The following MAGI1 variants were observed in gnomAD, a reference collection of about 807,000 sequenced individuals.
MAGI1 encodes the protein membrane-associated guanylate kinase, WW and PDZ domain-containing protein 1.
MAGI1 carries 58 observed loss-of-function variants against 139.9 expected under a neutral mutation model. The ratio of observed to expected loss-of-function variants is 0.41; its 90% confidence interval spans 0.34 to 0.52. The LOEUF (loss-of-function observed/expected upper bound fraction) is 0.52. MAGI1 is among the 20% of genes least tolerant of loss of function. MAGI1 has a pLI of 0.12. For missense variants in MAGI1, 1,874 were observed against 1,901.6 expected (o/e 0.99, Z 0.27); for synonymous variants, 812 against 737.9 (o/e 1.10, Z -1.63).
chr3:65,959,258 C>G (rs1336827954), intron 1 of MAGI1, among the ~76,000 whole-genome samples: 1 of 152,192 alleles, frequency 6.6e-6, no homozygotes, highest in Non-Finnish European at 1.5e-5. Flanking sequence ...TCCTTCCTCT[C>G]TACTGCATCC....
intron 1 of MAGI1, among the ~76,000 whole-genome samples, chr3:65,888,283 T>C (rs1413347322): frequency 2.6e-5 from 4 of 152,148 alleles, no homozygotes; most frequent in Admixed American, 1.3e-4. Context: ...TCAATAACTT[T>C]ACAAAAGCAC....
chr3:65,891,364 T>C (rs1265572521), intron 1 of MAGI1, among the ~76,000 whole-genome samples: 1 of 152,086 alleles, frequency 6.6e-6, no homozygotes, highest in Non-Finnish European at 1.5e-5. Context: ...CTATTACAAA[T>C]CTGGTAATAT....
intron 1 of MAGI1, among the ~76,000 whole-genome samples, chr3:65,908,776 G>C (rs909667456): frequency 1.3e-5 from 2 of 152,120 alleles, no homozygotes; most frequent in African/African-American, 4.8e-5. Flanking sequence ...CTTTCTAACA[G>C]ACTCCTGGGG....
chr3:65,958,769 T>C (rs1272317865), intron 1 of MAGI1, among the ~76,000 whole-genome samples: 1 of 152,098 alleles, frequency 6.6e-6, no homozygotes, highest in Non-Finnish European at 1.5e-5. Flanking sequence ...GGAGGATCAC[T>C]TGAGGCCAAG....
intron 1 of MAGI1, among the ~76,000 whole-genome samples, chr3:65,932,359 T>G (rs769428260): frequency 6.6e-6 from 1 of 152,108 alleles, no homozygotes; most frequent in Admixed American, 6.5e-5. Context: ...GAAACTCAGT[T>G]TCACGAAACA....
chr3:65,564,270 A>G (rs78954855), intron 2 of MAGI1, among the ~76,000 whole-genome samples: 55 of 151,856 alleles, frequency 3.6e-4, no homozygotes, highest in Non-Finnish European at 6.9e-4. Context: ...AAAAAAAAAA[A>G]GGCAGAACAA....
At chr3:65,912,058 G>T (rs963754023) in intron 1 of MAGI1, among the ~76,000 whole-genome samples, 1 of 152,154 alleles carries the variant, frequency 6.6e-6, no homozygotes, top group African/African-American at 2.4e-5. Flanking sequence ...AACTTGAAAG[G>T]GAAAAGGCAG....
intron 2 of MAGI1, among the ~76,000 whole-genome samples, chr3:65,515,126 A>C (rs1243709070): frequency 3.3e-5 from 4 of 121,650 alleles, no homozygotes; most frequent in Non-Finnish European, 6.6e-5. Context: ...ACATGGACAC[A>C]GGAAGGGGAA....
intron 2 of MAGI1, among the ~76,000 whole-genome samples, chr3:65,569,145 C>A (rs185273604): frequency 1.7e-4 from 26 of 152,276 alleles, no homozygotes; most frequent in Admixed American, 7.8e-4. Flanking sequence ...TGGATGAACT[C>A]TGAAGACATT....
At chr3:65,511,125 G>C (rs1342152389) in intron 2 of MAGI1, among the ~76,000 whole-genome samples, 1 of 149,216 alleles carries the variant, frequency 6.7e-6, no homozygotes, top group Admixed American at 6.6e-5. Flanking sequence ...GTCACCACCA[G>C]GCCTGCCCTA....
rs138542180 is a variant in MAGI1, at chr3:65,568,176, T to C, written c.430+53796A>G. The stretch of plus-strand genomic sequence containing the variant: ...ACTCATCATTCATTCTTCACACATC[T>C]GGGTAAGGAGCAGGCAAGGCACTTG... On this transcript the variant is annotated intron_variant, in intron 2 of 22. Transcript: ENST00000402939. Among the ~76,000 whole-genome samples the C allele has an allele frequency of 1.1e-3, 160 of 152,252 alleles. 2 individuals are homozygous for C. The East Asian group carries it at 0.024, about 23-fold the overall frequency.
chr3:65,409,883 T>C (rs1351487355), intron 12 of MAGI1, among the ~76,000 whole-genome samples: 1 of 152,222 alleles, frequency 6.6e-6, no homozygotes, highest in Non-Finnish European at 1.5e-5. Context: ...AGCTGGCATT[T>C]TGTGAAGAAG....
intron 1 of MAGI1, among the ~76,000 whole-genome samples, chr3:65,646,680 G>A (rs149652480): frequency 2.6e-4 from 39 of 152,002 alleles, no homozygotes; most frequent in African/African-American, 4.6e-4. Flanking sequence ...AATGTTAAGC[G>A]TCGAAAGTAT....
At chr3:65,649,544 A>AAC (rs2085467422) in intron 1 of MAGI1, among the ~76,000 whole-genome samples, 1 of 152,192 alleles carries the variant, frequency 6.6e-6, no homozygotes, top group African/African-American at 2.4e-5. Flanking sequence ...AGGCTCTGTT[A>AAC]AGAGGATGAA....
chr3:65,822,962 T>C (rs1273451260), intron 1 of MAGI1, among the ~76,000 whole-genome samples: 2 of 152,116 alleles, frequency 1.3e-5, no homozygotes, highest in Admixed American at 6.5e-5. Flanking sequence ...CCAAACCATA[T>C]CACCAACCAA....
chr3:65,665,968 C>A (rs2086491988), intron 1 of MAGI1, among the ~76,000 whole-genome samples: 1 of 152,136 alleles, frequency 6.6e-6, no homozygotes, highest in South Asian at 2.1e-4. Flanking sequence ...AATTGTTTGG[C>A]TTATATCCTT....
intron 1 of MAGI1, among the ~76,000 whole-genome samples, chr3:66,020,301 G>A (rs2067893339): frequency 1.3e-5 from 2 of 152,162 alleles, no homozygotes; most frequent in South Asian, 2.1e-4. Flanking sequence ...GCAGGGCATG[G>A]TGGTGCACGC....
chr3:66,020,067 C>T (rs559662280), intron 1 of MAGI1, among the ~76,000 whole-genome samples: 2 of 152,328 alleles, frequency 1.3e-5, no homozygotes, highest in African/African-American at 2.4e-5. Flanking sequence ...CAGTACATGA[C>T]GTTCCTCTGG....
intron 21 of MAGI1, 33 bp downstream of exon 21, chr3:65,363,432 T>G: frequency 1.3e-6 from 2 of 1,572,094 alleles, no homozygotes; most frequent in Non-Finnish European, 1.7e-6. Flanking sequence ...GATGGTTTCT[T>G]TGCACCTACC....
Sources: allele counts gnomAD v4.1 joint callset (sites outside exome capture counted in the v4.1 genomes callset), GRCh38; gene constraint gnomAD v4.1.1; transcripts MANE v1.5; gene names NCBI Gene and HGNC (gene_info 2026-07-23, HGNC 2026-07-21).